CHAF1A: variants seen among roughly 807,000 people sequenced by gnomAD.
The protein encoded by CHAF1A is CAF-1 subunit A.
Under a neutral mutation model 93.2 loss-of-function variants are expected in CHAF1A, and 5 were observed. That is an observed-to-expected ratio of 0.05 (90% CI 0.03 to 0.11). The LOEUF (loss-of-function observed/expected upper bound fraction) is 0.11. CHAF1A is among the 10% of genes least tolerant of loss of function. CHAF1A has a pLI of 1.00. For synonymous variants in CHAF1A, 504 were observed against 510.3 expected, an observed-to-expected ratio of 0.99 and a Z score of 0.17; for missense variants, 1,102 against 1,259.9, an observed-to-expected ratio of 0.87 and a Z score of 1.90.
At position 4,443,208 on chromosome 19, in the gene CHAF1A, C is replaced by T. The variant is rs570616996; in HGVS notation, c.*183C>T. 3.3e-6 allele frequency: 2 copies of T among 614,370 alleles called. No individual in the cohort carries two copies. Among genetic ancestry groups the T allele is most frequent in the East Asian group, 3.0e-5 (1 of 33,472 alleles). The allele number at this position is 614,370 out of a possible 1,614,324, so 38.1% of individuals were successfully genotyped here. On this transcript the variant is annotated 3_prime_UTR_variant, in exon 15 of 15. Transcript: ENST00000301280. ...TATTTGTAAAAATTCCCCCAAGAGC[C>T]GCATATGAATCTGCCCTTTAATAAA...
In CHAF1A at chr19:4,423,867, C is replaced by T; in HGVS notation, c.1370C>T (p.Ala457Val). 6.2e-7 allele frequency: 1 copy of T among 1,613,960 alleles called. No homozygotes were observed. Among genetic ancestry groups the T allele is most frequent in the Non-Finnish European group, 8.5e-7 (1 of 1,179,848 alleles). ...TTCCAGAAACCAAAGACTCCACAGG[C>T]CCCCAAGGTGAGCAGCCGGCTGCCT... ...RFFQKPKTPQ[A>V]PKTLAGSCGK... is the part of the protein sequence containing the mutation. Residue 457 changes from alanine to valine, a missense_variant, in exon 7 of 15, where the codon GCC (alanine) becomes GTC (valine). Physicochemically the swap from Ala to Val is moderately conservative, Grantham distance 64. Coordinates refer to ENST00000301280, the MANE Select transcript of CHAF1A (RefSeq NM_005483.3).
chr19:4,447,982 G>A (rs1974573508), downstream of CHAF1A: 2 of 505,838 alleles, frequency 4.0e-6, no homozygotes, highest in Non-Finnish European at 3.6e-6. Context: ...CTCCCTCGGC[G>A]TTGGCGGGCA....
At chr19:4,447,779 C>T (rs918053658), downstream of CHAF1A, 77 of 724,524 alleles carry the variant, frequency 1.1e-4, no homozygotes, top group African/African-American at 1.9e-4. Context: ...AGACCATCTC[C>T]GGGTGGAAGG....
chr19:4,435,640 G>A (rs1432701000), intron 13 of CHAF1A, among the ~76,000 whole-genome samples: 1 of 152,084 alleles, frequency 6.6e-6, no homozygotes, highest in Admixed American at 6.6e-5. Context: ...AAAGTACTGG[G>A]ATTATAGGTA....
chr19:4,423,116 A>G (rs1974019652), intron 5 of CHAF1A, among the ~76,000 whole-genome samples: 1 of 152,236 alleles, frequency 6.6e-6, no homozygotes, highest in African/African-American at 2.4e-5. Flanking sequence ...CTGACTGGCT[A>G]AAGTTTTTTA....
At chr19:4,445,914 G>T, downstream of CHAF1A, 1 of 1,399,032 alleles carries the variant, frequency 7.1e-7, no homozygotes, top group Non-Finnish European at 9.6e-7. Flanking sequence ...TGGGAAAGCA[G>T]GATTCAAACC....
At chr19:4,418,781 G>A (rs1332386195) in intron 4 of CHAF1A, among the ~76,000 whole-genome samples, 3 of 152,068 alleles carry the variant, frequency 2.0e-5, no homozygotes, top group Non-Finnish European at 4.4e-5. Flanking sequence ...TCGATGGGTG[G>A]TTATCCTTTA....
chr19:4,408,815 C>A, intron 2 of CHAF1A, 88 bp from the exon 3 acceptor site: 1 of 1,472,426 alleles, frequency 6.8e-7, no homozygotes, highest in Non-Finnish European at 9.1e-7. Flanking sequence ...CTCCCACCCC[C>A]ATGTCCCAAC....
At chr19:4,410,666 C>A (rs1260209629) in intron 3 of CHAF1A, among the ~76,000 whole-genome samples, 2 of 152,158 alleles carry the variant, frequency 1.3e-5, no homozygotes, top group Non-Finnish European at 2.9e-5. Flanking sequence ...TAGGCATGAG[C>A]CACTGCACCC....
chr19:4,446,304 G>A, downstream of CHAF1A: 1 of 1,572,010 alleles, frequency 6.4e-7, no homozygotes. Flanking sequence ...CAGCCATCGG[G>A]GAGGCGCACG....
At chr19:4,423,758 T>C in intron 6 of CHAF1A, 48 bp from the exon 7 acceptor site, 2 of 1,572,512 alleles carry the variant, frequency 1.3e-6, no homozygotes, top group Non-Finnish European at 1.8e-6. Flanking sequence ...CAACACATAC[T>C]GTTCCTCTTC....
chr19:4,441,664 T>A (rs1974391303), intron 13 of CHAF1A, among the ~76,000 whole-genome samples: 1 of 151,092 alleles, frequency 6.6e-6, no homozygotes, highest in Admixed American at 6.6e-5. Flanking sequence ...CCCAGCACTT[T>A]GGGAGGCTGA....
In CHAF1A at chr19:4,422,869, C is replaced by A. The variant is rs1314688891; in HGVS notation, c.1247+74C>A. 1 of 1,377,036 alleles carries A rather than the reference C, an allele frequency of 7.3e-7. No homozygotes were observed. Among genetic ancestry groups the A allele is most frequent in the Non-Finnish European group, 1.0e-6 (1 of 985,482 alleles). The allele number at this position is 1,377,036 out of a possible 1,614,324, so 85.3% of individuals were successfully genotyped here. On this transcript the variant is annotated intron_variant, in intron 5 of 14. Coordinates refer to ENST00000301280, the MANE Select transcript of CHAF1A (RefSeq NM_005483.3). The surrounding 1 kb of genome is among the most constrained non-coding windows in gnomAD (Gnocchi z 4.6). ...TCCGCTCCTGGCCACTCTGATGGGG[C>A]CTTTCCACTTCACAGGCAGATGGCG...
chr19:4,423,970 TAGG>T, intron 7 of CHAF1A, 96 bp downstream of exon 7: 1 of 1,190,448 alleles, frequency 8.4e-7, no homozygotes, highest in Non-Finnish European at 1.2e-6. Context: ...CTTCTCTCAT[TAGG>T]AGGGAGGGAG....
rs113859101 is a variant in CHAF1A, at chr19:4,432,186, C to A, written c.2182C>A (p.Arg728=). The change falls in exon 12 of 15, where the codon CGG becomes AGG. Residue 728 remains arginine, a synonymous_variant. Transcript: ENST00000301280. ...GGAGCAGACGCCCAAGGCCTCCAAG[C>A]GGGAGAGGAGAGACGAGCAGAGTGA... ...QEEQTPKASK[R]ERRDEQILAQ... is the part of the protein sequence containing the mutation. The A allele has an allele frequency of 6.2e-7, 1 of 1,609,710 alleles. No homozygotes were observed. Among genetic ancestry groups the A allele is most frequent in the African/African-American group, 1.3e-5 (1 of 74,894 alleles).
chr19:4,443,398 GCTGCTCTGT>G, downstream of CHAF1A: 1 of 226,976 alleles, frequency 4.4e-6, no homozygotes, highest in Non-Finnish European at 8.8e-6. Context: ...CTAGCCCTGA[GCTGCTCTGT>G]CTGTCTTTTC....
chr19:4,437,763 G>A (rs243376), intron 13 of CHAF1A, among the ~76,000 whole-genome samples: 39,123 of 102,372 alleles, frequency 0.38, 6,206 homozygotes, highest in East Asian at 0.65. Flanking sequence ...TTATTTTGAC[G>A]GAGTCTCGCT....
chr19:4,422,857 ACT>A lies in CHAF1A; in HGVS notation c.1247+65_1247+66del. ...CTGCTGCTGGATTCCGCTCCTGGCC[ACT>A]CTGATGGGGCCTTTCCACTTCACAG... On this transcript the variant is annotated intron_variant, in intron 5 of 14. Transcript: ENST00000301280. This position sits in a 1 kb window ranked among gnomAD's most constrained non-coding sequence, Gnocchi z 4.6. The A allele has an allele frequency of 6.8e-7, 1 of 1,475,756 alleles. No individual in the cohort carries two copies. The highest frequency in any genetic ancestry group is 1.2e-5 in the South Asian group (1 of 85,768). 91.4% of individuals were successfully genotyped at this position (1,475,756 alleles called of 1,614,324 possible).
chr19:4,446,301 CG>C, downstream of CHAF1A: 2 of 1,571,140 alleles, frequency 1.3e-6, no homozygotes, highest in Non-Finnish European at 8.6e-7. Context: ...AGGCAGCCAT[CG>C]GGGAGGCGCA....
Sources: gnomAD v4.1 joint callset for allele counts (sites outside exome capture counted in the v4.1 genomes callset) on GRCh38, gnomAD v4.1.1 for gene constraint, Gnocchi (gnomAD v3.1) non-coding constraint, MANE v1.5 for transcripts, NCBI Gene and HGNC (gene_info 2026-07-23, HGNC 2026-07-21) for gene names.